Variants in SLC6A4 observed in about 807,000 individuals in gnomAD.
SLC6A4 encodes the protein sodium-dependent serotonin transporter.
Under a neutral mutation model 73.4 loss-of-function variants are expected in SLC6A4, and 22 were observed. The observed-to-expected ratio is 0.30, with a 90% CI of 0.21 to 0.43. The LOEUF (loss-of-function observed/expected upper bound fraction) is 0.43. SLC6A4 is among the 20% of genes least tolerant of loss of function. SLC6A4 has a pLI of 1.00. For missense variants in SLC6A4, 593 were observed against 808.5 expected (o/e 0.73, Z 3.23); for synonymous variants, 270 against 315.5 (o/e 0.86, Z 1.53).
intron 1 of SLC6A4, among the ~76,000 whole-genome samples, chr17:30,233,114 G>C (rs1204443178): frequency 6.6e-6 from 1 of 152,282 alleles, no homozygotes; most frequent in South Asian, 2.1e-4. Context: ...TTCCCTGTAA[G>C]AGCAAGGGAG....
intron 3 of SLC6A4, among the ~76,000 whole-genome samples, 198 bp from the exon 4 acceptor site, chr17:30,219,129 G>C (rs145152432): frequency 1.3e-5 from 2 of 152,292 alleles, no homozygotes; most frequent in African/African-American, 2.4e-5. Context: ...TGACTAAAAT[G>C]AGGTTTCAGA....
chr17:30,202,507 G>T (rs1279002086), intron 14 of SLC6A4, among the ~76,000 whole-genome samples: 1 of 152,116 alleles, frequency 6.6e-6, no homozygotes, highest in African/African-American at 2.4e-5. Context: ...TACCTCCCAA[G>T]GTACTTTGAT....
intron 1 of SLC6A4, among the ~76,000 whole-genome samples, chr17:30,227,964 G>C (rs984340687): frequency 1.4e-4 from 21 of 152,190 alleles, no homozygotes; most frequent in Admixed American, 2.6e-4. Context: ...CTTGTGATGG[G>C]GTCAAGGTCC....
At position 30,194,813 on chromosome 17, in the gene SLC6A4, T is replaced by C. The variant is rs1027439556; in HGVS notation, c.*3643A>G. The C allele has an allele frequency of 6.6e-6, 1 of 152,188 alleles. No individual in the cohort carries two copies. The highest frequency in any genetic ancestry group is 1.5e-5 in the Non-Finnish European group (1 of 68,036). 9.4% of individuals were successfully genotyped at this position (152,188 alleles called of 1,614,324 possible). ...CAATTCTTATCTACTATAATTGGAG[T>C]CTTCAGTTACAGAATTGAAGGACTG... On this transcript the variant is annotated 3_prime_UTR_variant, in exon 15 of 15. Coordinates refer to ENST00000650711, the MANE Select transcript of SLC6A4 (RefSeq NM_001045.6).
chr17:30,212,819 C>G lies in SLC6A4; in HGVS notation c.1125G>C (p.Ser375=). ...CGAGCACTGTGAAGATGACAAATCC[C>G]GAAACGAAGCTCGTCATGCAGTTCA... The part of the protein sequence containing the change: ...SVVNCMTSFV[S]GFVIFTVLGY... Residue 375 remains serine, a synonymous_variant, in exon 9 of 15, where the codon TCG becomes TCC. Transcript: ENST00000650711. 6.2e-7 allele frequency: 1 copy of G among 1,614,146 alleles called. No homozygotes were observed. The highest frequency in any genetic ancestry group is 8.5e-7 in the Non-Finnish European group (1 of 1,180,026).
In SLC6A4 at chr17:30,195,545, G is replaced by A. The variant is rs908055665; in HGVS notation, c.*2911C>T. The A allele has an allele frequency of 6.6e-6, 1 of 152,202 alleles. No homozygotes were observed. The highest frequency in any genetic ancestry group is 2.4e-5 in the African/African-American group (1 of 41,414). The allele number at this position is 152,202 out of a possible 1,614,324, so 9.4% of individuals were successfully genotyped here. ...CAAAGTGCTGGAATTACAGGTGTGA[G>A]CCATTGTGCCTGGTGGAGAGGGTAT... On this transcript the variant is annotated 3_prime_UTR_variant, in exon 15 of 15. Transcript: ENST00000650711.
intron 4 of SLC6A4, 55 bp downstream of exon 4, chr17:30,218,742 G>A: frequency 6.3e-7 from 1 of 1,598,770 alleles, no homozygotes; most frequent in South Asian, 1.1e-5. Flanking sequence ...ACCCACTGAT[G>A]GAAATCCCTT....
rs201116663 is a variant in SLC6A4, at chr17:30,218,080, G to T, written c.698+38C>A. ...AAGCCAAACCCCAGGGGTGTGGCCTGCCCCTAACAGGCCAACCCCTCACTT... is the reference window on the plus strand; with the variant it reads ...AAGCCAAACCCCAGGGGTGTGGCCTTCCCCTAACAGGCCAACCCCTCACTT... On this transcript the variant is annotated intron_variant, in intron 5 of 14. Coordinates refer to ENST00000650711, the MANE Select transcript of SLC6A4 (RefSeq NM_001045.6). The T allele has an allele frequency of 1.1e-4, 175 of 1,551,100 alleles. 1 individual carries two copies. The South Asian group carries it at 1.8e-3, about 16-fold the overall frequency.
intron 10 of SLC6A4, 107 bp from the exon 11 acceptor site, chr17:30,210,753 C>T: frequency 8.1e-7 from 1 of 1,231,692 alleles, no homozygotes; most frequent in South Asian, 1.5e-5. Context: ...ACTGGTCAAG[C>T]TGATCATCAC....
intron 1 of SLC6A4, among the ~76,000 whole-genome samples, chr17:30,223,518 A>G (rs559383365): frequency 6.6e-6 from 1 of 152,382 alleles, no homozygotes; most frequent in African/African-American, 2.4e-5. Context: ...AACATGAGCA[A>G]GGATTAGACA....
Position 30,194,949 on chromosome 17 carries a change from G to A in SLC6A4, c.*3507C>T, listed in dbSNP as rs201058369. ...TGCACACTGTCTCCAAATTAGAGTT[G>A]GCTGGTGAAGAAAGTTTATTTTAGT... On this transcript the variant is annotated 3_prime_UTR_variant, in exon 15 of 15. Coordinates refer to ENST00000650711, the MANE Select transcript of SLC6A4 (RefSeq NM_001045.6). 2 of 152,142 alleles carry A rather than the reference G, an allele frequency of 1.3e-5. No individual in the cohort carries two copies. Among genetic ancestry groups the A allele is most frequent in the East Asian group, 3.9e-4 (2 of 5,192 alleles). 9.4% of individuals were successfully genotyped at this position (152,142 alleles called of 1,614,324 possible).
chr17:30,223,687 G>A lies in SLC6A4; in HGVS notation c.-220-772C>T, dbSNP rs113854074. On this transcript the variant is annotated intron_variant, in intron 1 of 14. Coordinates refer to ENST00000650711, the MANE Select transcript of SLC6A4 (RefSeq NM_001045.6). ...GTAGCTAGGGGCTGTGTGTGTGTAA[G>A]GGGAGGTAGACGTCTTGGGCTGTAC... 3.5e-3 allele frequency among the ~76,000 whole-genome samples: 526 copies of A among 152,304 alleles called. 1 individual carries two copies. Among genetic ancestry groups the A allele is most frequent in the African/African-American group, 0.01 (431 of 41,552 alleles).
In SLC6A4 at chr17:30,235,632, G is replaced by A. The variant is rs1402075738; in HGVS notation, c.-240C>T. ...ACCCACCTGCCAGGCTGCGCGGGGA[G>A]GCTGGTCCCGGGCTGGGCAGGCGGG... On this transcript the variant is annotated 5_prime_UTR_variant, in exon 1 of 15. Coordinates refer to ENST00000650711, the MANE Select transcript of SLC6A4 (RefSeq NM_001045.6). The surrounding 1 kb of genome is among the most constrained non-coding windows in gnomAD (Gnocchi z 4.5). 1.3e-5 allele frequency: 2 copies of A among 152,350 alleles called. No individual in the cohort carries two copies. The highest frequency in any genetic ancestry group is 6.5e-5 in the Admixed American group (1 of 15,290). 9.4% of individuals were successfully genotyped at this position (152,350 alleles called of 1,614,324 possible). A position where few individuals can be genotyped will look rare whatever the true frequency, so the allele number is the denominator to read the frequency against.
chr17:30,212,051 G>C (rs537060656), intron 9 of SLC6A4, among the ~76,000 whole-genome samples: 1 of 152,024 alleles, frequency 6.6e-6, no homozygotes, highest in Non-Finnish European at 1.5e-5. Flanking sequence ...CTGGGACCTC[G>C]CCCACTAGAT....
chr17:30,228,363 A>G (rs959374578), intron 1 of SLC6A4, among the ~76,000 whole-genome samples: 1 of 152,228 alleles, frequency 6.6e-6, no homozygotes, highest in African/African-American at 2.4e-5. Flanking sequence ...AATAAATGAC[A>G]GTGAGTTGAT....
At chr17:30,220,110 C>G (rs56061045) in intron 3 of SLC6A4, among the ~76,000 whole-genome samples, 2,496 of 152,164 alleles carry the variant, frequency 0.016, 63 homozygotes, top group African/African-American at 0.055. Context: ...TTCCCAGGGG[C>G]CCCCTGGAAC....
At chr17:30,229,552 T>A (rs1444461699) in intron 1 of SLC6A4, among the ~76,000 whole-genome samples, 1 of 152,104 alleles carries the variant, frequency 6.6e-6, no homozygotes, top group African/African-American at 2.4e-5. Flanking sequence ...TAGGCACTTT[T>A]GAGGTCTTTA....
At chr17:30,216,355 C>T in intron 6 of SLC6A4, 139 bp from the exon 7 acceptor site, 1 of 577,872 alleles carries the variant, frequency 1.7e-6, no homozygotes, top group Non-Finnish European at 3.1e-6. Flanking sequence ...TTCTTGAAGA[C>T]CTTGAGAAAG....
At chr17:30,219,039 G>T (rs2143015207) in intron 3 of SLC6A4, 108 bp from the exon 4 acceptor site, 1 of 1,350,014 alleles carries the variant, frequency 7.4e-7, no homozygotes, top group East Asian at 2.3e-5. Context: ...AGTGTCAGGA[G>T]CCACCCTGGG....
Sources: allele counts gnomAD v4.1 joint callset (sites outside exome capture counted in the v4.1 genomes callset), GRCh38; gene constraint gnomAD v4.1.1; non-coding constraint Gnocchi (gnomAD v3.1); transcripts MANE v1.5; gene names NCBI Gene and HGNC (gene_info 2026-07-23, HGNC 2026-07-21).